The following GLB1L3 variants were observed in gnomAD, a reference collection of about 807,000 sequenced individuals.
GLB1L3 encodes the protein beta-galactosidase-1-like protein 3.
A neutral mutation model predicts 89.5 loss-of-function variants in GLB1L3; 89 were observed. That is an observed-to-expected ratio of 0.99 (90% confidence interval 0.84 to 1.19). The LOEUF is 1.19. Among genes scored for constraint, GLB1L3 ranks in the 50% most tolerant of loss-of-function variants. GLB1L3 has a pLI of 0.00. For synonymous variants in GLB1L3, 314 were observed against 312.3 expected (o/e 1.01, Z -0.06); for missense variants, 812 against 813.3 (o/e 1.00, Z 0.02).
chr11:134,291,384 C>T (rs1467315458), intron 7 of GLB1L3, among the ~76,000 whole-genome samples: 2 of 151,834 alleles, frequency 1.3e-5, no homozygotes, highest in African/African-American at 2.4e-5. Context: ...CTCAGCCTCC[C>T]GAGTAGCTGG....
intron 10 of GLB1L3, among the ~76,000 whole-genome samples, chr11:134,308,475 TACCACCACCACCATC>T (rs1942479404): frequency 0.013 from 272 of 20,378 alleles, 39 homozygotes; most frequent in African/African-American, 0.049. Context: ...CACCACCAAA[TACCACCACCACCATC>T]ACCACCAAAT....
At chr11:134,283,099 G>C (rs771162631) in intron 5 of GLB1L3, among the ~76,000 whole-genome samples, 1 of 151,710 alleles carries the variant, frequency 6.6e-6, no homozygotes, top group African/African-American at 2.4e-5. Context: ...TCTTGCTCTC[G>C]TCACCCAGGC....
At chr11:134,308,655 T>TCACCAC (rs1186746011) in intron 10 of GLB1L3, among the ~76,000 whole-genome samples, 2 of 105,546 alleles carry the variant, frequency 1.9e-5, no homozygotes, top group South Asian at 3.4e-4. Flanking sequence ...ACCACCATCA[T>TCACCAC]CACCACCACC....
At position 134,311,153 on chromosome 11, in the gene GLB1L3, C is replaced by G; in HGVS notation, c.1270C>G (p.Leu424Val). Residue 424 changes from leucine (L) to valine (V), a missense_variant, in exon 13 of 20, where the codon CTA (leucine) becomes GTA (valine). Physicochemically the swap from Leu to Val is conservative, Grantham distance 32 (BLOSUM62 1). Around this residue, in one of 3 missense-constraint regions of GLB1L3, gnomAD observed 618 missense variants for 604.0 expected, o/e 1.02. Transcript: ENST00000431683. ...GCTGTACCTCCCGCTGTGGGACGCC[C>G]TATCCTACTTAAATGAGGTGCGTGC... ...PSLYLPLWDA[L>V]SYLNEPVRSR... 1.2e-6 allele frequency: 2 copies of G among 1,613,502 alleles called. No individual in the cohort carries two copies. Among genetic ancestry groups the G allele is most frequent in the Non-Finnish European group, 1.7e-6 (2 of 1,179,462 alleles).
intron 1 of GLB1L3, 40 bp from the exon 2 acceptor site, chr11:134,277,285 CG>C (rs1565384875): frequency 3.1e-6 from 5 of 1,613,154 alleles, no homozygotes; most frequent in Non-Finnish European, 4.2e-6. Context: ...CCGGTGGGGC[CG>C]GAACCTTCCC....
rs760476998 is a variant in GLB1L3, at chr11:134,313,442, AT to A, written c.1552del (p.Ser518HisfsTer11). On this transcript the variant is annotated frameshift_variant, in exon 16 of 20. Transcript: ENST00000431683. LOFTEE classifies it high-confidence loss of function. ...RILVENQGRV[N>X]FSWQIQNEQK... is the part of the protein sequence containing the mutation. The stretch of plus-strand genomic sequence containing the variant: ...CTGGTGGAGAATCAAGGACGAGTCA[AT>A]TTTTCATGGCAAATACAGAATGAGC... The A allele has an allele frequency of 5.3e-5, 84 of 1,581,838 alleles. No individual in the cohort carries two copies. The highest frequency in any genetic ancestry group is 7.1e-5 in the Non-Finnish European group (83 of 1,163,624).
downstream of GLB1L3, among the ~76,000 whole-genome samples, chr11:134,320,604 C>T (rs1943153150): frequency 6.6e-6 from 1 of 152,064 alleles, no homozygotes; most frequent in African/African-American, 2.4e-5. Flanking sequence ...ACCTTAGTTC[C>T]ACACGTATGC....
At chr11:134,277,198 A>T in intron 1 of GLB1L3, 128 bp from the exon 2 acceptor site, 1 of 1,194,582 alleles carries the variant, frequency 8.4e-7, no homozygotes, top group Non-Finnish European at 1.2e-6. Flanking sequence ...CGCCTGGAAG[A>T]CCCGCCTGTG....
chr11:134,285,513 T>C (rs1940931313), intron 6 of GLB1L3, among the ~76,000 whole-genome samples: 1 of 152,074 alleles, frequency 6.6e-6, no homozygotes, highest in African/African-American at 2.4e-5. Flanking sequence ...TGGCCTGGCA[T>C]GGTGGCTCAC....
At chr11:134,288,920 T>C in intron 7 of GLB1L3, 30 bp downstream of exon 7, 1 of 1,464,420 alleles carries the variant, frequency 6.8e-7, no homozygotes, top group East Asian at 2.3e-5. Context: ...GCCCCATGTT[T>C]ACATGCCTCC....
At chr11:134,291,044 T>A (rs1324045060) in intron 7 of GLB1L3, among the ~76,000 whole-genome samples, 1 of 151,974 alleles carries the variant, frequency 6.6e-6, no homozygotes, top group Admixed American at 6.6e-5. Flanking sequence ...TTCCCCCAAT[T>A]TACTAAGTTG....
intron 10 of GLB1L3, among the ~76,000 whole-genome samples, chr11:134,308,181 TCAC>T (rs1380393759): frequency 1.2e-5 from 1 of 80,648 alleles, no homozygotes; most frequent in East Asian, 4.6e-4. Flanking sequence ...ACCACCACCA[TCAC>T]CATCATCACC....
chr11:134,290,812 C>T (rs1015861106), intron 7 of GLB1L3, among the ~76,000 whole-genome samples: 12 of 152,072 alleles, frequency 7.9e-5, no homozygotes, highest in African/African-American at 2.9e-4. Context: ...CCTGATGGTT[C>T]TCAGGACCCC....
At chr11:134,320,634 A>G (rs1471905943), downstream of GLB1L3, among the ~76,000 whole-genome samples, 1 of 152,136 alleles carries the variant, frequency 6.6e-6, no homozygotes, top group Non-Finnish European at 1.5e-5. Context: ...CCAAATATGA[A>G]TGCAAAAATG....
chr11:134,294,742 T>C (rs566930560), intron 9 of GLB1L3, among the ~76,000 whole-genome samples: 2 of 152,352 alleles, frequency 1.3e-5, no homozygotes, highest in South Asian at 4.1e-4. Context: ...CAGTATTTAG[T>C]CTTTTGCATC....
In GLB1L3 at chr11:134,310,572, C is replaced by G; in HGVS notation, c.1101C>G (p.Asp367Glu). The G allele has an allele frequency of 6.2e-7, 1 of 1,611,804 alleles. No individual in the cohort carries two copies. Among genetic ancestry groups the G allele is most frequent in the Non-Finnish European group, 8.5e-7 (1 of 1,178,608 alleles). ...GKHSGIVTSY[D>E]YDAVLTEAGD... ...GTGACTGGCCCTGGTGTCTTGCAGA[C>G]TATGATGCAGTGCTCACGGAGGCTG... is the stretch of plus-strand genomic sequence containing the variant. Residue 367 changes from aspartate to glutamate, a missense_variant and splice_region_variant, in exon 12 of 20, where the codon GAC becomes GAG. Around this residue, in one of 3 missense-constraint regions of GLB1L3, gnomAD observed 618 missense variants for 604.0 expected, o/e 1.02. Transcript: ENST00000431683.
Position 134,309,743 on chromosome 11 carries a change from C to T in GLB1L3, c.1079C>T (p.Ser360Leu), listed in dbSNP as rs369128716. Residue 360 changes from serine to leucine, a missense_variant, in exon 11 of 20, where the codon TCG (serine) becomes TTG (leucine). Transcript: ENST00000431683. ...GGGGCCACATATTTCGGGAAGCACT[C>T]GGGCATTGTCACCAGCTATGGCAAG... ...MNGATYFGKH[S>L]GIVTSYDYDA... The T allele has an allele frequency of 1.2e-5, 20 of 1,613,286 alleles. No individual in the cohort carries two copies. In the East Asian group the frequency reaches 1.8e-4, roughly 14 times the overall value.
Position 134,312,872 on chromosome 11 carries a change from C to T in GLB1L3, c.1485C>T (p.His495=). The T allele has an allele frequency of 1.2e-6, 2 of 1,607,220 alleles. No individual in the cohort carries two copies. The highest frequency in any genetic ancestry group is 1.3e-5 in the African/African-American group (1 of 74,938). Residue 495 remains histidine (H), a synonymous_variant, in exon 15 of 20, where the codon CAC becomes CAT. Coordinates refer to ENST00000431683, the MANE Select transcript of GLB1L3 (RefSeq NM_001080407.3). Reference sequence around the variant, plus strand: ...TGAATGAGAATAATAAGGACCTGCACATTCCTGAACTCAGGGTATGTAATT... The same window carrying T: ...TGAATGAGAATAATAAGGACCTGCATATTCCTGAACTCAGGGTATGTAATT... ...GILNENNKDL[H]IPELRDCRYL...
At chr11:134,282,260 T>C (rs1042106434) in intron 5 of GLB1L3, 140 bp downstream of exon 5, 4 of 1,077,348 alleles carry the variant, frequency 3.7e-6, no homozygotes, top group Non-Finnish European at 5.2e-6. Flanking sequence ...CCACGCACCG[T>C]GCCTGTGTTG....
Sources: gnomAD v4.1 joint callset for allele counts (sites outside exome capture counted in the v4.1 genomes callset) on GRCh38, gnomAD v4.1.1 for gene constraint, gnomAD v4.1.1 regional missense constraint, MANE v1.5 for transcripts, NCBI Gene and HGNC (gene_info 2026-07-23, HGNC 2026-07-21) for gene names.